CCDC85C: variants seen among roughly 807,000 people sequenced by gnomAD.
The protein encoded by CCDC85C is coiled-coil domain containing 85C, also known as coiled-coil domain-containing protein 85C.
Under a neutral mutation model 38.3 loss-of-function variants are expected in CCDC85C, and 18 were observed. The observed-to-expected ratio is 0.47, with a 90% confidence interval of 0.33 to 0.70. The LOEUF (loss-of-function observed/expected upper bound fraction) is 0.70, where lower values mean the gene tolerates loss of function less well. Among genes scored for constraint, CCDC85C ranks in the 30% least tolerant of loss-of-function variants. The pLI is 0.03. For synonymous variants in CCDC85C, 264 were observed against 293.8 expected (o/e 0.90, Z 1.04); for missense variants, 566 against 621.2 (o/e 0.91, Z 0.94).
In CCDC85C at chr14:99,569,555, G is replaced by A. The variant is rs1050361875; in HGVS notation, c.794-33467C>T. 3.3e-5 allele frequency among the ~76,000 whole-genome samples: 5 copies of A among 152,312 alleles called. No individual in the cohort carries two copies. The highest frequency in any genetic ancestry group is 4.1e-4 in the South Asian group (2 of 4,826). On this transcript the variant is annotated intron_variant, in intron 1 of 5. Coordinates refer to ENST00000380243, the MANE Select transcript of CCDC85C (RefSeq NM_001144995.2). The surrounding 1 kb of genome is among the most constrained non-coding windows in gnomAD (Gnocchi z 4.3). Reference sequence around the variant, plus strand: ...CACCTACCCAGGAAGGCTTTGAACAGACAAGAGACAGTGATTCAACGGTCC... The same window carrying A: ...CACCTACCCAGGAAGGCTTTGAACAAACAAGAGACAGTGATTCAACGGTCC...
intron 1 of CCDC85C, among the ~76,000 whole-genome samples, chr14:99,589,283 A>G (rs2055060316): frequency 6.6e-6 from 1 of 152,136 alleles, no homozygotes; most frequent in Non-Finnish European, 1.5e-5. Context: ...GCCAGACAAC[A>G]GACACAGCCA....
rs1036024901 is a variant in CCDC85C, at chr14:99,520,630, C to A, written c.975+1503G>T. Among the ~76,000 whole-genome samples, 1 of 152,122 alleles carries A rather than the reference C, an allele frequency of 6.6e-6. No individual in the cohort carries two copies. The highest frequency in any genetic ancestry group is 2.4e-5 in the African/African-American group (1 of 41,440). ...CCGCCGACCAGCCCTGATCATGGCC[C>A]CTGAACCTCAGTTTATCACCCGGCC... is the stretch of plus-strand genomic sequence containing the variant. On this transcript the variant is annotated intron_variant, in intron 3 of 5. Coordinates refer to ENST00000380243, the MANE Select transcript of CCDC85C (RefSeq NM_001144995.2). This position sits in a 1 kb window ranked among gnomAD's most constrained non-coding sequence, Gnocchi z 4.1.
intron 2 of CCDC85C, among the ~76,000 whole-genome samples, chr14:99,530,467 C>T (rs551950601): frequency 3.3e-5 from 5 of 152,266 alleles, no homozygotes; most frequent in African/African-American, 9.6e-5. Context: ...TGGACCACCG[C>T]GACGCCAGCA....
rs1392544353 is a variant in CCDC85C at position 99,547,324 on chromosome 14, T to A, written c.794-11236A>T. On this transcript the variant is annotated intron_variant, in intron 1 of 5. Transcript: ENST00000380243. ...AAAATCTCCAGAATAGGCAGATTCA[T>A]AGAGACAAAGTAGATGAGTAGTTTC... Among the ~76,000 whole-genome samples the A allele has an allele frequency of 5.9e-5, 9 of 152,326 alleles. No homozygotes were observed. In the East Asian group the frequency reaches 1.7e-3, roughly 29 times the overall value.
At chr14:99,547,494 C>A (rs1049247460) in intron 1 of CCDC85C, among the ~76,000 whole-genome samples, 1 of 152,170 alleles carries the variant, frequency 6.6e-6, no homozygotes, top group African/African-American at 2.4e-5. Context: ...ACTGGATTGG[C>A]TGGGCACAGT....
Position 99,500,747 on chromosome 14 carries a change from A to G in CCDC85C, c.*14499T>C. 6.8e-7 allele frequency: 1 copy of G among 1,469,256 alleles called. No homozygotes were observed. Among genetic ancestry groups the G allele is most frequent in the Non-Finnish European group, 9.3e-7 (1 of 1,070,228 alleles). 91.0% of individuals were successfully genotyped at this position (1,469,256 alleles called of 1,614,324 possible). The stretch of plus-strand genomic sequence containing the variant: ...CTGCAATTGTAATTACTGTCCTAAC[A>G]TTTGTGATTGATTTTTAGGAGGAAG... On this transcript the variant is annotated 3_prime_UTR_variant, in exon 6 of 6. Transcript: ENST00000380243.
rs1896970919 is a variant in CCDC85C, at chr14:99,506,175, TC to T, written c.*9070del. ...AGGAAGAGGGTGAAGAGAGAGGAAGTCCCTGGAACTTAAATTGAGCCTGTAT... is the reference window on the plus strand; with the variant it reads ...AGGAAGAGGGTGAAGAGAGAGGAAGTCCTGGAACTTAAATTGAGCCTGTAT... On this transcript the variant is annotated 3_prime_UTR_variant, in exon 6 of 6. Coordinates refer to ENST00000380243, the MANE Select transcript of CCDC85C (RefSeq NM_001144995.2). The T allele has an allele frequency of 6.6e-6, 1 of 152,074 alleles. No individual in the cohort carries two copies. The highest frequency in any genetic ancestry group is 2.1e-4 in the South Asian group (1 of 4,816). The allele number at this position is 152,074 out of a possible 1,614,324, so 9.4% of individuals were successfully genotyped here.
At position 99,588,865 on chromosome 14, in the gene CCDC85C, T is replaced by G. The variant is rs1007590968; in HGVS notation, c.793+14302A>C. Reference sequence around the variant, plus strand: ...TGACAAAAAGGATGGCCTGAGCTCCTACAGCTTCCCCAAGTTCCTCCGGGG... The same window carrying G: ...TGACAAAAAGGATGGCCTGAGCTCCGACAGCTTCCCCAAGTTCCTCCGGGG... On this transcript the variant is annotated intron_variant, in intron 1 of 5. Transcript: ENST00000380243. This position sits in a 1 kb window ranked among gnomAD's most constrained non-coding sequence, Gnocchi z 5.0. Among the ~76,000 whole-genome samples the G allele has an allele frequency of 2.6e-5, 4 of 152,016 alleles. No individual in the cohort carries two copies. The highest frequency in any genetic ancestry group is 9.7e-5 in the African/African-American group (4 of 41,414).
chr14:99,580,576 C>G (rs2054957701), intron 1 of CCDC85C, among the ~76,000 whole-genome samples: 1 of 151,880 alleles, frequency 6.6e-6, no homozygotes, highest in South Asian at 2.1e-4. Context: ...AAGGAACTGC[C>G]ACTCATGGCC....
At chr14:99,560,149 A>T (rs1005300395) in intron 1 of CCDC85C, among the ~76,000 whole-genome samples, 1 of 152,134 alleles carries the variant, frequency 6.6e-6, no homozygotes, top group African/African-American at 2.4e-5. Context: ...GGGACCCAGG[A>T]CCTTTCAGCC....
rs1217969855 is a variant in CCDC85C at position 99,516,176 on chromosome 14, T to C, written c.1170+12A>G. On this transcript the variant is annotated intron_variant, in intron 5 of 5. Transcript: ENST00000380243. The surrounding 1 kb of genome is among the most constrained non-coding windows in gnomAD (Gnocchi z 5.5). ...GTGCCAAGCCTCTGCCCCCCACCCC[T>C]GGAAGCCTCACGTTGCACATCTCGC... 1 of 1,548,774 alleles carries C rather than the reference T, an allele frequency of 6.5e-7. No individual in the cohort carries two copies. The highest frequency in any genetic ancestry group is 1.4e-5 in the African/African-American group (1 of 73,100).
rs1263974094 is a variant in CCDC85C, at chr14:99,512,459, T to A, written c.*2787A>T. On this transcript the variant is annotated 3_prime_UTR_variant, in exon 6 of 6. Transcript: ENST00000380243. ...AAAAAAATCAGTAGTATGTATCTTG[T>A]TTCCTCAAGTTTCAAGAAAAAAAAA... 2 of 152,184 alleles carry A rather than the reference T, an allele frequency of 1.3e-5. No homozygotes were observed. Among genetic ancestry groups the A allele is most frequent in the African/African-American group, 2.4e-5 (1 of 41,438 alleles). 9.4% of individuals were successfully genotyped at this position (152,184 alleles called of 1,614,324 possible). A position where few individuals can be genotyped will look rare whatever the true frequency, so the allele number is the denominator to read the frequency against.
rs2055223699 is a variant in CCDC85C at position 99,603,177 on chromosome 14, G to A, written c.783C>T (p.Asn261=). The change falls in exon 1 of 6, where the codon AAC becomes AAT. Residue 261 remains asparagine, a synonymous_variant. Coordinates refer to ENST00000380243, the MANE Select transcript of CCDC85C (RefSeq NM_001144995.2). This position sits in a 1 kb window ranked among gnomAD's most constrained non-coding sequence, Gnocchi z 7.5. Reference sequence around the variant, plus strand: ...CCGTGTAGTCCTTACCGTGCAGGCCGTTGGGGATGCTGCGGTGGTGCGGCG... The same window carrying A: ...CCGTGTAGTCCTTACCGTGCAGGCCATTGGGGATGCTGCGGTGGTGCGGCG... ...SAPPHHRSIP[N]GLHDPSSTYI... The A allele has an allele frequency of 3.6e-6, 5 of 1,403,544 alleles. No homozygotes were observed. The highest frequency in any genetic ancestry group is 3.7e-6 in the Non-Finnish European group (4 of 1,080,680). The allele number at this position is 1,403,544 out of a possible 1,614,324, so 86.9% of individuals were successfully genotyped here. A position where few individuals can be genotyped will look rare whatever the true frequency, so the allele number is the denominator to read the frequency against.
chr14:99,564,350 C>T (rs1382001618), intron 1 of CCDC85C, among the ~76,000 whole-genome samples: 2 of 152,168 alleles, frequency 1.3e-5, no homozygotes, highest in East Asian at 3.9e-4. Flanking sequence ...GTGGAGAAGC[C>T]AGCAGCAGCA....
chr14:99,603,463 C>A lies in CCDC85C; in HGVS notation c.497G>T (p.Gly166Val). Residue 166 changes from glycine (G) to valine (V), a missense_variant, in exon 1 of 6, where the codon GGT becomes GTT. Transcript: ENST00000380243. The surrounding 1 kb of genome is among the most constrained non-coding windows in gnomAD (Gnocchi z 7.5). ...AALAATGAAS[G>V]GGGGGGGAGS... Reference sequence around the variant, plus strand: ...GGCGCCGCCCCCGCCGCCGCCGCCACCGCTTGCGGCCCCCGTCGCCGCCAG... The same window carrying A: ...GGCGCCGCCCCCGCCGCCGCCGCCAACGCTTGCGGCCCCCGTCGCCGCCAG... 1 of 1,283,810 alleles carries A rather than the reference C, an allele frequency of 7.8e-7. No homozygotes were observed. The allele number at this position is 1,283,810 out of a possible 1,614,324, so 79.5% of individuals were successfully genotyped here.
chr14:99,567,476 A>G (rs12888314), intron 1 of CCDC85C, among the ~76,000 whole-genome samples: 47,536 of 152,106 alleles, frequency 0.31, 7,820 homozygotes, highest in East Asian at 0.54. Context: ...TCTCACCAGC[A>G]GGAGGGACCC....
chr14:99,567,138 G>A (rs1898230950), intron 1 of CCDC85C, among the ~76,000 whole-genome samples: 1 of 98,726 alleles, frequency 1.0e-5, no homozygotes, highest in Admixed American at 1.0e-4. Context: ...GATGGGAAGC[G>A]GTCCCTCCCG....
In CCDC85C at chr14:99,503,540, C is replaced by T; in HGVS notation, c.*11706G>A. 1 of 1,358,442 alleles carries T rather than the reference C, an allele frequency of 7.4e-7. No homozygotes were observed. The highest frequency in any genetic ancestry group is 1.0e-6 in the Non-Finnish European group (1 of 979,038). The allele number at this position is 1,358,442 out of a possible 1,614,324, so 84.1% of individuals were successfully genotyped here. Reference sequence around the variant, plus strand: ...CTGCCGTCGCTGATTCTGGTGGTACCTGGATAATCCATTTTTTTCTCATCA... The same window carrying T: ...CTGCCGTCGCTGATTCTGGTGGTACTTGGATAATCCATTTTTTTCTCATCA... On this transcript the variant is annotated 3_prime_UTR_variant, in exon 6 of 6. Coordinates refer to ENST00000380243, the MANE Select transcript of CCDC85C (RefSeq NM_001144995.2).
At chr14:99,574,951 AGACCCT>A (rs1898440353) in intron 1 of CCDC85C, among the ~76,000 whole-genome samples, 1 of 152,200 alleles carries the variant, frequency 6.6e-6, no homozygotes, top group Non-Finnish European at 1.5e-5. Context: ...TTGCACCCAC[AGACCCT>A]GAGAAGCCAG....
Sources: gnomAD v4.1 joint callset for allele counts (sites outside exome capture counted in the v4.1 genomes callset) on GRCh38, gnomAD v4.1.1 for gene constraint, Gnocchi (gnomAD v3.1) non-coding constraint, MANE v1.5 for transcripts, NCBI Gene and HGNC (gene_info 2026-07-23, HGNC 2026-07-21) for gene names.